Variants in PARD3B observed in about 807,000 individuals in gnomAD.
PARD3B encodes the protein partitioning defective 3 homolog B.
In PARD3B, 103 loss-of-function variants were observed where a neutral mutation model predicts 130.2. The ratio of observed to expected loss-of-function variants is 0.79; its 90% CI spans 0.67 to 0.93. The LOEUF (loss-of-function observed/expected upper bound fraction) is 0.93. PARD3B is among the 40% of genes least tolerant of loss of function. PARD3B has a pLI of 0.00. For synonymous variants in PARD3B, 583 were observed against 553.2 expected (o/e 1.05, Z -0.76); for missense variants, 1,609 against 1,499.2 (o/e 1.07, Z -1.21).
chr2:205,139,108 T>C (rs2032730797), intron 10 of PARD3B, among the ~76,000 whole-genome samples: 1 of 152,170 alleles, frequency 6.6e-6, no homozygotes, highest in Non-Finnish European at 1.5e-5. Flanking sequence ...TACTAGTATG[T>C]TTTGGAGATA....
chr2:205,200,260 G>T (rs549992433), intron 15 of PARD3B, among the ~76,000 whole-genome samples: 1 of 152,070 alleles, frequency 6.6e-6, no homozygotes, highest in Non-Finnish European at 1.5e-5. Context: ...ACCATAAAAC[G>T]ACATCTTTAT....
intron 1 of PARD3B, among the ~76,000 whole-genome samples, chr2:204,674,836 T>C (rs1021944980): frequency 2.6e-5 from 4 of 152,200 alleles, no homozygotes; most frequent in Admixed American, 1.3e-4. Context: ...TTCTTTGGAG[T>C]TAGCATACAA....
At chr2:205,611,660 T>G (rs986885540) in intron 22 of PARD3B, among the ~76,000 whole-genome samples, 10 of 152,176 alleles carry the variant, frequency 6.6e-5, no homozygotes, top group African/African-American at 2.4e-4. Context: ...ATGAGCCTAA[T>G]CCGAAATAAA....
In PARD3B at chr2:205,136,926, G is replaced by C. The variant is rs574955377; in HGVS notation, c.1434+11189G>C. ...CTGAACACCTACTATTCCCAGTTTA[G>C]CTGATCAAATATTTATTGAATGTTT... On this transcript the variant is annotated intron_variant, in intron 10 of 22. Coordinates refer to ENST00000406610, the MANE Select transcript of PARD3B (RefSeq NM_001302769.2). Among the ~76,000 whole-genome samples, 10 of 152,268 alleles carry C rather than the reference G, an allele frequency of 6.6e-5. No individual in the cohort carries two copies. The South Asian group carries it at 1.9e-3, about 28-fold the overall frequency.
chr2:205,344,030 A>G (rs1417594924), intron 18 of PARD3B, among the ~76,000 whole-genome samples: 1 of 152,216 alleles, frequency 6.6e-6, no homozygotes, highest in Non-Finnish European at 1.5e-5. Context: ...GTGACAGCAG[A>G]AAAGTGGTAG....
At chr2:204,930,844 A>G (rs1047017409) in intron 2 of PARD3B, among the ~76,000 whole-genome samples, 1 of 152,056 alleles carries the variant, frequency 6.6e-6, no homozygotes, top group Admixed American at 6.6e-5. Flanking sequence ...TCTTAGATCA[A>G]TAGCTTGTCT....
At chr2:205,586,633 T>C (rs2054205945) in intron 22 of PARD3B, among the ~76,000 whole-genome samples, 1 of 151,836 alleles carries the variant, frequency 6.6e-6, no homozygotes. Context: ...TATTTTTATA[T>C]ACATATATAT....
intron 2 of PARD3B, among the ~76,000 whole-genome samples, chr2:204,848,637 C>CTCTATCTATCTATCTATCTATCTA (rs1327027447): frequency 6.7e-6 from 1 of 149,304 alleles, no homozygotes; most frequent in Non-Finnish European, 1.5e-5. Flanking sequence ...TAGAGTGAGA[C>CTCTATCTATCTATCTATCTATCTA]TCTGTCTATC....
Position 205,160,187 on chromosome 2 carries a change from C to T in PARD3B, c.1620+1280C>T, listed in dbSNP as rs530833799. Among the ~76,000 whole-genome samples the T allele has an allele frequency of 5.9e-5, 9 of 152,250 alleles. No individual in the cohort carries two copies. The highest frequency in any genetic ancestry group is 3.9e-4 in the East Asian group (2 of 5,190). On this transcript the variant is annotated intron_variant, in intron 11 of 22. Transcript: ENST00000406610. The surrounding 1 kb of genome is among the most constrained non-coding windows in gnomAD (Gnocchi z 4.0). ...ACTCCTTGGTTTAGTTAGCTTTTGT[C>T]GCATAATAAATAGTCATAATTTTTC...
At chr2:205,379,470 T>A (rs1314586350) in intron 18 of PARD3B, among the ~76,000 whole-genome samples, 1 of 151,760 alleles carries the variant, frequency 6.6e-6, no homozygotes, top group African/African-American at 2.4e-5. Context: ...ATTATTATAT[T>A]TGGGGTTTTT....
rs538828504 is a variant in PARD3B, at chr2:204,578,809, C to A, written c.120+32690C>A. ...CACGGTTAAAATCTTGAACTATGCACTCTACTATGGGAAGTTTTGGGATGT... is the reference window on the plus strand; with the variant it reads ...CACGGTTAAAATCTTGAACTATGCAATCTACTATGGGAAGTTTTGGGATGT... On this transcript the variant is annotated intron_variant, in intron 1 of 22. Coordinates refer to ENST00000406610, the MANE Select transcript of PARD3B (RefSeq NM_001302769.2). Among the ~76,000 whole-genome samples, 461 of 152,186 alleles carry A rather than the reference C, an allele frequency of 3.0e-3. 3 individuals are homozygous for A. The highest frequency in any genetic ancestry group is 0.01 in the African/African-American group (424 of 41,518).
intron 18 of PARD3B, among the ~76,000 whole-genome samples, chr2:205,383,138 A>AGATAGATAGATAGATAGATCGATC (rs955641992): frequency 3.6e-5 from 5 of 138,548 alleles, no homozygotes; most frequent in African/African-American, 8.4e-5. Flanking sequence ...ATAGATAGAT[A>AGATAGATAGATAGATAGATCGATC]GATCGATCTA....
At chr2:204,905,895 C>A (rs969501505) in intron 2 of PARD3B, among the ~76,000 whole-genome samples, 2 of 152,030 alleles carry the variant, frequency 1.3e-5, no homozygotes, top group Non-Finnish European at 2.9e-5. Context: ...TGAAAACATT[C>A]CTAGAAATGA....
At chr2:204,635,162 G>A (rs531345815) in intron 1 of PARD3B, among the ~76,000 whole-genome samples, 35 of 152,248 alleles carry the variant, frequency 2.3e-4, no homozygotes, top group Non-Finnish European at 3.5e-4. Context: ...AAGTTGACAG[G>A]ATCTCAACAG....
intron 22 of PARD3B, among the ~76,000 whole-genome samples, chr2:205,603,408 T>A (rs1421501498): frequency 6.6e-6 from 1 of 152,194 alleles, no homozygotes; most frequent in East Asian, 1.9e-4. Context: ...ATATCCTTGT[T>A]AATTTTCTGT....
chr2:205,360,702 C>G (rs1029499587), intron 18 of PARD3B, among the ~76,000 whole-genome samples: 1 of 152,128 alleles, frequency 6.6e-6, no homozygotes, highest in Non-Finnish European at 1.5e-5. Flanking sequence ...CTGAACTGCC[C>G]AGGTCTGAAT....
At chr2:205,346,798 C>A (rs2043808103) in intron 18 of PARD3B, among the ~76,000 whole-genome samples, 1 of 152,180 alleles carries the variant, frequency 6.6e-6, no homozygotes, top group Admixed American at 6.5e-5. Context: ...CAGTCAGGGC[C>A]TGATCAATAA....
At chr2:204,929,172 CA>C (rs952423969) in intron 2 of PARD3B, among the ~76,000 whole-genome samples, 3 of 151,970 alleles carry the variant, frequency 2.0e-5, no homozygotes, top group Non-Finnish European at 4.4e-5. Flanking sequence ...GACTTCTTCC[CA>C]ATATGCTTCT....
chr2:204,673,300 TA>T lies in PARD3B; in HGVS notation c.121-12878del, dbSNP rs1304047950. 1.3e-5 allele frequency among the ~76,000 whole-genome samples: 2 copies of T among 152,344 alleles called. No individual in the cohort carries two copies. Among genetic ancestry groups the T allele is most frequent in the East Asian group, 3.9e-4 (2 of 5,186 alleles). The stretch of plus-strand genomic sequence containing the variant: ...TTTCTTTTAAAAGAAAAGGTACCTT[TA>T]AACATATTTAATGCTGATGTAAAAA... On this transcript the variant is annotated intron_variant, in intron 1 of 22. Coordinates refer to ENST00000406610, the MANE Select transcript of PARD3B (RefSeq NM_001302769.2). This position sits in a 1 kb window ranked among gnomAD's most constrained non-coding sequence, Gnocchi z 4.7.
Sources: gnomAD v4.1 joint callset for allele counts (sites outside exome capture counted in the v4.1 genomes callset) on GRCh38, gnomAD v4.1.1 for gene constraint, Gnocchi (gnomAD v3.1) non-coding constraint, MANE v1.5 for transcripts, NCBI Gene and HGNC (gene_info 2026-07-23, HGNC 2026-07-21) for gene names.